The following INO80D variants were observed in gnomAD, a reference collection of about 807,000 sequenced individuals.
The protein encoded by INO80D is INO80 complex subunit D.
In INO80D, 21 loss-of-function variants were observed where a neutral mutation model predicts 87.6. That is an observed-to-expected ratio of 0.24 (90% CI 0.17 to 0.35). The LOEUF (loss-of-function observed/expected upper bound fraction) is 0.35. Ranked by LOEUF, INO80D falls within the 10% of genes least tolerant of loss-of-function variation. The pLI, the probability that INO80D is intolerant of heterozygous loss-of-function variation, is 1.00. For missense variants in INO80D, 982 were observed against 1,280.7 expected (o/e 0.77, Z 3.56); for synonymous variants, 440 against 491.0 (o/e 0.90, Z 1.37).
rs919824209 is a variant in INO80D, at chr2:206,002,051, C to T, written c.*2317G>A. On this transcript the variant is annotated 3_prime_UTR_variant, in exon 11 of 11. Coordinates refer to ENST00000403263, the MANE Select transcript of INO80D (RefSeq NM_017759.5). ...AGGGGACAAGTAGACAGAAAAAGTT[C>T]AAATCGACTACCCACGACTTTCCCT... The T allele has an allele frequency of 3.0e-4, 46 of 152,186 alleles. No homozygotes were observed. The highest frequency in any genetic ancestry group is 1.0e-3 in the African/African-American group (43 of 41,444). The allele number at this position is 152,186 out of a possible 1,614,324, so 9.4% of individuals were successfully genotyped here. A position where few individuals can be genotyped will look rare whatever the true frequency, so the allele number is the denominator to read the frequency against.
In INO80D at chr2:206,005,394, T is replaced by A. The variant is rs375781589; in HGVS notation, c.2058A>T (p.Ser686=). The part of the protein sequence containing the change: ...QSDGVPVQEL[S]DRGIGVFSTG... ...TGGAGAACACCCCTATTCCTCTATC[T>A]GACAACTCCTGGACTGGCACACCAT... is the stretch of plus-strand genomic sequence containing the variant. The change falls in exon 11 of 11, where the codon TCA becomes TCT. Residue 686 remains serine, a synonymous_variant. Transcript: ENST00000403263. 2.9e-4 allele frequency: 466 copies of A among 1,613,948 alleles called. No individual in the cohort carries two copies. The highest frequency in any genetic ancestry group is 3.2e-4 in the Non-Finnish European group (382 of 1,179,892).
Position 206,063,192 on chromosome 2 carries a change from C to G in INO80D, c.-71G>C. On this transcript the variant is annotated 5_prime_UTR_variant, in exon 2 of 11. Transcript: ENST00000403263. ...TGCACCATAGCAATGTTAAGAGAACCCCCAAGGATACCACAGTTTGGAATG... is the reference window on the plus strand; with the variant it reads ...TGCACCATAGCAATGTTAAGAGAACGCCCAAGGATACCACAGTTTGGAATG... 1 of 608,760 alleles carries G rather than the reference C, an allele frequency of 1.6e-6. No individual in the cohort carries two copies. Among genetic ancestry groups the G allele is most frequent in the Non-Finnish European group, 2.9e-6 (1 of 350,208 alleles). 37.7% of individuals were successfully genotyped at this position (608,760 alleles called of 1,614,324 possible). A position where few individuals can be genotyped will look rare whatever the true frequency, so the allele number is the denominator to read the frequency against.
chr2:205,996,370 G>A lies in INO80D; in HGVS notation c.*7998C>T, dbSNP rs1272769450. 3 of 151,256 alleles carry A rather than the reference G, an allele frequency of 2.0e-5. No individual in the cohort carries two copies. The highest frequency in any genetic ancestry group is 6.6e-5 in the Admixed American group (1 of 15,158). The allele number at this position is 151,256 out of a possible 1,614,324, so 9.4% of individuals were successfully genotyped here. ...GTGATGAAAGACTGACCAGTAGAAGGTGGTGAAGATGAAGAATAGTGGAAC... is the reference window on the plus strand; with the variant it reads ...GTGATGAAAGACTGACCAGTAGAAGATGGTGAAGATGAAGAATAGTGGAAC... On this transcript the variant is annotated 3_prime_UTR_variant, in exon 11 of 11. Coordinates refer to ENST00000403263, the MANE Select transcript of INO80D (RefSeq NM_017759.5).
At chr2:206,014,928 A>G (rs542382905) in intron 8 of INO80D, among the ~76,000 whole-genome samples, 1 of 152,288 alleles carries the variant, frequency 6.6e-6, no homozygotes, top group South Asian at 2.1e-4. Flanking sequence ...TCTCAGAAGG[A>G]GATGAGGAAC....
intron 1 of INO80D, among the ~76,000 whole-genome samples, chr2:206,076,154 G>A (rs961104135): frequency 1.3e-5 from 2 of 151,194 alleles, no homozygotes; most frequent in East Asian, 1.9e-4. Context: ...GAGCCCAGGA[G>A]TTCAACACCA....
intron 5 of INO80D, among the ~76,000 whole-genome samples, chr2:206,046,074 C>CA (rs547001680): frequency 8.9e-4 from 135 of 152,284 alleles, no homozygotes; most frequent in Non-Finnish European, 1.1e-3. Flanking sequence ...CGATATAGTA[C>CA]ATTTACAAAC....
At chr2:206,074,573 C>T (rs996830652) in intron 1 of INO80D, among the ~76,000 whole-genome samples, 4 of 151,890 alleles carry the variant, frequency 2.6e-5, no homozygotes, top group East Asian at 3.9e-4. Flanking sequence ...GAGATCACAC[C>T]GTTACACTCC....
intron 8 of INO80D, among the ~76,000 whole-genome samples, chr2:206,014,582 C>T (rs567952068): frequency 6.6e-6 from 1 of 152,210 alleles, no homozygotes; most frequent in East Asian, 1.9e-4. Context: ...TGCCTTCTGC[C>T]GTGATTGTGA....
At chr2:206,020,855 C>T (rs1383651797) in intron 6 of INO80D, among the ~76,000 whole-genome samples, 1 of 151,770 alleles carries the variant, frequency 6.6e-6, no homozygotes, top group Non-Finnish European at 1.5e-5. Flanking sequence ...AAATAAATAA[C>T]ATTTAAATTC....
intron 1 of INO80D, among the ~76,000 whole-genome samples, chr2:206,077,652 A>T (rs1434233968): frequency 6.6e-6 from 1 of 152,188 alleles, no homozygotes; most frequent in Non-Finnish European, 1.5e-5. Flanking sequence ...TCCATGTCAC[A>T]GTCATTCTCT....
At chr2:206,035,613 C>T (rs1688872735) in intron 5 of INO80D, among the ~76,000 whole-genome samples, 1 of 152,112 alleles carries the variant, frequency 6.6e-6, no homozygotes, top group African/African-American at 2.4e-5. Context: ...AAATCTAACA[C>T]CTGAAACTAT....
At chr2:206,030,329 G>A (rs1688727949) in intron 5 of INO80D, among the ~76,000 whole-genome samples, 1 of 152,124 alleles carries the variant, frequency 6.6e-6, no homozygotes, top group Admixed American at 6.6e-5. Flanking sequence ...CAGGTGTAGT[G>A]GTGTATTCCT....
At chr2:206,068,643 C>T (rs1048180283) in intron 1 of INO80D, among the ~76,000 whole-genome samples, 4 of 152,088 alleles carry the variant, frequency 2.6e-5, no homozygotes, top group Non-Finnish European at 5.9e-5. Context: ...AGATGCAACT[C>T]TTGTTGGGTT....
At chr2:206,083,288 C>T (rs1468174893) in intron 1 of INO80D, among the ~76,000 whole-genome samples, 5 of 152,090 alleles carry the variant, frequency 3.3e-5, no homozygotes, top group African/African-American at 9.7e-5. Flanking sequence ...CAACAATATA[C>T]CTTTAAAATA....
rs1391159439 is a variant in INO80D, at chr2:206,044,335, C to G, written c.1073+2169G>C. ...CCAACATTAAAAATATACAGTGCTC[C>G]CTGACTGGAGCATAATAGCCCAACA... On this transcript the variant is annotated intron_variant, in intron 5 of 10. Transcript: ENST00000403263. 2.6e-5 allele frequency among the ~76,000 whole-genome samples: 4 copies of G among 151,656 alleles called. No homozygotes were observed. In the East Asian group the frequency reaches 7.7e-4, roughly 29 times the overall value.
chr2:206,050,507 A>G (rs1399671230), intron 4 of INO80D, among the ~76,000 whole-genome samples: 4 of 74,380 alleles, frequency 5.4e-5, no homozygotes, highest in African/African-American at 1.0e-4. Context: ...AAAAAAAAAA[A>G]AAAAAAAAAA....
At chr2:206,050,316 C>T (rs67165436) in intron 4 of INO80D, among the ~76,000 whole-genome samples, 43,016 of 150,900 alleles carry the variant, frequency 0.29, 6,856 homozygotes, top group Non-Finnish European at 0.36. Flanking sequence ...TATACTGAAA[C>T]CCCGTCTCTA....
intron 6 of INO80D, among the ~76,000 whole-genome samples, chr2:206,026,592 T>C (rs931717519): frequency 1.3e-5 from 2 of 150,642 alleles, no homozygotes; most frequent in African/African-American, 4.9e-5. Context: ...AAAATATATA[T>C]AAAAAACAAA....
At position 206,085,426 on chromosome 2, in the gene INO80D, T is replaced by G. The variant is rs1360640514; in HGVS notation, c.-124+475A>C. On this transcript the variant is annotated intron_variant, in intron 1 of 10. Transcript: ENST00000403263. This position sits in a 1 kb window ranked among gnomAD's most constrained non-coding sequence, Gnocchi z 4.5. ...CGCCCCTGTCCCGGCAGCCCGGGCCTGCCGCCCCGCGGGAAAGCCTCCGGG... is the reference window on the plus strand; with the variant it reads ...CGCCCCTGTCCCGGCAGCCCGGGCCGGCCGCCCCGCGGGAAAGCCTCCGGG... 1 of 151,540 alleles carries G rather than the reference T, an allele frequency of 6.6e-6. No homozygotes were observed. Among genetic ancestry groups the G allele is most frequent in the Non-Finnish European group, 1.5e-5 (1 of 67,840 alleles). 9.4% of individuals were successfully genotyped at this position (151,540 alleles called of 1,614,324 possible).
Sources: gnomAD v4.1 joint callset for allele counts (sites outside exome capture counted in the v4.1 genomes callset) on GRCh38, gnomAD v4.1.1 for gene constraint, Gnocchi (gnomAD v3.1) non-coding constraint, MANE v1.5 for transcripts, NCBI Gene and HGNC (gene_info 2026-07-23, HGNC 2026-07-21) for gene names.